TENM2: variants seen among roughly 807,000 people sequenced by gnomAD.
TENM2 encodes the protein teneurin-2.
A neutral mutation model predicts 245.2 loss-of-function variants in TENM2; 52 were observed. The observed-to-expected ratio is 0.21, with a 90% CI of 0.17 to 0.27. TENM2 has a LOEUF of 0.27. TENM2 is among the 10% of genes least tolerant of loss of function. The pLI is 1.00. For missense variants in TENM2, 3,046 were observed against 3,666.8 expected, an observed-to-expected ratio of 0.83 and a Z score of 4.37; for synonymous variants, 1,363 against 1,438.9, an observed-to-expected ratio of 0.95 and a Z score of 1.19.
At chr5:168,155,932 T>C (rs987819802) in intron 12 of TENM2, among the ~76,000 whole-genome samples, 1 of 143,140 alleles carries the variant, frequency 7.0e-6, no homozygotes, top group Non-Finnish European at 1.5e-5. Context: ...AAATTGTAAG[T>C]ACGGTCTTGT....
chr5:167,156,704 G>T, the TENM2 span, among the ~76,000 whole-genome samples: 1 of 152,076 alleles, frequency 6.6e-6, no homozygotes, highest in Non-Finnish European at 1.5e-5. Context: ...CCCTCACACC[G>T]CACACTGAGA....
chr5:167,440,044 C>T (rs190444423), intron 2 of TENM2, among the ~76,000 whole-genome samples: 65 of 152,216 alleles, frequency 4.3e-4, no homozygotes, highest in Non-Finnish European at 7.6e-4. Flanking sequence ...CAGATTACCA[C>T]AGTCTGATGT....
intron 2 of TENM2, among the ~76,000 whole-genome samples, chr5:167,683,153 A>T (rs934399268): frequency 6.6e-6 from 1 of 152,192 alleles, no homozygotes; most frequent in Non-Finnish European, 1.5e-5. Flanking sequence ...TATTTCTTTC[A>T]CAGCAATTAT....
intron 2 of TENM2, among the ~76,000 whole-genome samples, chr5:167,415,790 G>A (rs769968503): frequency 2.0e-5 from 3 of 152,228 alleles, no homozygotes; most frequent in Admixed American, 6.5e-5. Context: ...ATGTTGAATG[G>A]TGAGGAATGT....
At chr5:167,375,570 CAT>C (rs1413476307) in intron 2 of TENM2, 97 bp downstream of exon 4, 1 of 1,305,062 alleles carries the variant, frequency 7.7e-7, no homozygotes, top group East Asian at 2.5e-5. Flanking sequence ...GTCATAAAAC[CAT>C]TCATTTTCTT....
chr5:167,229,222 A>G, the TENM2 span, among the ~76,000 whole-genome samples: 1 of 152,196 alleles, frequency 6.6e-6, no homozygotes, highest in East Asian at 1.9e-4. Context: ...AGTTTTGCTG[A>G]TGCTGGAATG....
At chr5:167,220,092 G>A in the TENM2 span, among the ~76,000 whole-genome samples, 2 of 152,314 alleles carry the variant, frequency 1.3e-5, no homozygotes, top group South Asian at 4.1e-4. Flanking sequence ...GCAAGGGTTT[G>A]GGTCAGATAG....
intron 5 of TENM2, among the ~76,000 whole-genome samples, chr5:168,043,614 T>TGA (rs1006549992): frequency 1.8e-4 from 28 of 152,242 alleles, no homozygotes; most frequent in African/African-American, 6.7e-4. Flanking sequence ...TCCTTATAGG[T>TGA]GAAAGTATCA....
intron 4 of TENM2, among the ~76,000 whole-genome samples, chr5:167,954,190 CACACACACACAAACAA>C (rs1284149292): frequency 6.6e-6 from 1 of 152,070 alleles, no homozygotes; most frequent in South Asian, 2.1e-4. Context: ...CACTCACACA[CACACACACACAAACAA>C]ACACACACAC....
At chr5:167,608,773 A>T (rs1483988029) in intron 2 of TENM2, among the ~76,000 whole-genome samples, 1 of 152,202 alleles carries the variant, frequency 6.6e-6, no homozygotes, top group African/African-American at 2.4e-5. Flanking sequence ...AGGGTTGTCC[A>T]GTGTTTCCTG....
At chr5:168,073,468 C>T (rs1386289636) in intron 7 of TENM2, among the ~76,000 whole-genome samples, 1 of 152,136 alleles carries the variant, frequency 6.6e-6, no homozygotes, top group African/African-American at 2.4e-5. Context: ...AACAATTGAC[C>T]GAAACTCTGC....
chr5:167,084,355 A>ATATATATATATATATGTATATATG, the TENM2 span, among the ~76,000 whole-genome samples: 6 of 109,348 alleles, frequency 5.5e-5, no homozygotes, highest in African/African-American at 1.7e-4. Flanking sequence ...ATATATATAT[A>ATATATATATATATATGTATATATG]TATATATATA....
At chr5:167,593,843 A>G (rs969344182) in intron 2 of TENM2, among the ~76,000 whole-genome samples, 21 of 152,168 alleles carry the variant, frequency 1.4e-4, no homozygotes, top group Admixed American at 1.2e-3. Flanking sequence ...CATTCCTGGC[A>G]TGGGTCCTCA....
At chr5:168,138,850 A>G (rs1192784639) in intron 12 of TENM2, among the ~76,000 whole-genome samples, 3 of 152,248 alleles carry the variant, frequency 2.0e-5, no homozygotes, top group African/African-American at 7.2e-5. Flanking sequence ...GTGCCAGCAC[A>G]GTACTGGGTG....
Position 167,968,092 on chromosome 5 carries a change from G to T in TENM2, c.947+15270G>T, listed in dbSNP as rs1374027740. The stretch of plus-strand genomic sequence containing the variant: ...TGTGAGTTGGAATCTTATGTCCCCA[G>T]ACTTGCAAACCGTCACGAGATACTC... On this transcript the variant is annotated intron_variant, in intron 4 of 28. Coordinates refer to ENST00000518659, the Ensembl canonical transcript of TENM2. Among the ~76,000 whole-genome samples the T allele has an allele frequency of 2.0e-5, 3 of 152,218 alleles. No homozygotes were observed. In the East Asian group the frequency reaches 5.8e-4, roughly 29 times the overall value.
the TENM2 span, among the ~76,000 whole-genome samples, chr5:167,226,166 A>G: frequency 2.6e-5 from 4 of 151,594 alleles, no homozygotes; most frequent in Non-Finnish European, 5.9e-5. Flanking sequence ...TTCTGCTCTG[A>G]TCTTCTTTTT....
At chr5:168,054,862 A>G (rs986445874) in intron 6 of TENM2, among the ~76,000 whole-genome samples, 1 of 152,216 alleles carries the variant, frequency 6.6e-6, no homozygotes. Flanking sequence ...GCCTCTAAAA[A>G]CCCAGAAATC....
intron 4 of TENM2, among the ~76,000 whole-genome samples, chr5:167,970,613 C>T (rs74333568): frequency 2.0e-5 from 3 of 152,148 alleles, no homozygotes; most frequent in Non-Finnish European, 4.4e-5. Flanking sequence ...TCCTAATATT[C>T]TCAGCAATGC....
the TENM2 span, among the ~76,000 whole-genome samples, chr5:167,028,433 T>C: frequency 6.6e-5 from 10 of 152,156 alleles, no homozygotes; most frequent in Admixed American, 6.5e-4. Context: ...TAATTTAATG[T>C]TGATTTACCC....
Sources: allele counts gnomAD v4.1 joint callset (sites outside exome capture counted in the v4.1 genomes callset), GRCh38; gene constraint gnomAD v4.1.1; transcripts MANE v1.5; gene names NCBI Gene and HGNC (gene_info 2026-07-23, HGNC 2026-07-21).